STX6: variants seen among roughly 807,000 people sequenced by gnomAD.
STX6 encodes the protein syntaxin-6.
In STX6, 23 loss-of-function variants were observed where a neutral mutation model predicts 38.0. The observed-to-expected ratio is 0.60, with a 90% CI of 0.43 to 0.86. The LOEUF (loss-of-function observed/expected upper bound fraction) is 0.86, where lower values mean the gene tolerates loss of function less well. Ranked by LOEUF, STX6 falls within the 40% of genes least tolerant of loss-of-function variation. The pLI is 0.00. For synonymous variants in STX6, 123 were observed against 107.5 expected (o/e 1.14, Z -0.89); for missense variants, 274 against 312.9 (o/e 0.88, Z 0.94).
chr1:180,999,203 C>G (rs2102316679), intron 3 of STX6, among the ~76,000 whole-genome samples: 1 of 152,260 alleles, frequency 6.6e-6, no homozygotes, highest in Non-Finnish European at 1.5e-5. Context: ...AGGATTATTT[C>G]ATAGATAAAA....
intron 1 of STX6, among the ~76,000 whole-genome samples, chr1:181,006,939 C>T (rs1005188725): frequency 2.0e-5 from 3 of 152,202 alleles, no homozygotes; most frequent in African/African-American, 7.2e-5. Flanking sequence ...GGCAAGTCAC[C>T]TCATTGTTCC....
intron 7 of STX6, among the ~76,000 whole-genome samples, chr1:180,982,849 A>C (rs1002811397): frequency 1.3e-5 from 2 of 152,216 alleles, no homozygotes; most frequent in African/African-American, 4.8e-5. Flanking sequence ...TGTGTGACAG[A>C]TGAACTAAGC....
At chr1:181,008,309 G>A (rs1266753864) in intron 1 of STX6, among the ~76,000 whole-genome samples, 2 of 152,090 alleles carry the variant, frequency 1.3e-5, no homozygotes, top group Non-Finnish European at 2.9e-5. Context: ...CTGAGATTCC[G>A]TTATCCAAAA....
chr1:180,980,221 A>AAG (rs1558086110), intron 7 of STX6, among the ~76,000 whole-genome samples: 2 of 151,474 alleles, frequency 1.3e-5, no homozygotes, highest in African/African-American at 4.8e-5. Flanking sequence ...AAAAAAAAAA[A>AAG]AACACCATGA....
rs142166147 is a variant in STX6 at position 181,022,067 on chromosome 1, T to C, written c.35+572A>G. 7.0e-3 allele frequency among the ~76,000 whole-genome samples: 1,062 copies of C among 152,266 alleles called. 8 individuals are homozygous for C. The highest frequency in any genetic ancestry group is 9.4e-3 in the Non-Finnish European group (637 of 68,030). On this transcript the variant is annotated intron_variant, in intron 1 of 7. Transcript: ENST00000258301. ...ACTCCCCCATTGAATTGTCTTCCGGTGCCCTGCTCCCCAGCCTCCCAGAAC... is the reference window on the plus strand; with the variant it reads ...ACTCCCCCATTGAATTGTCTTCCGGCGCCCTGCTCCCCAGCCTCCCAGAAC...
At chr1:180,991,940 TTA>T (rs923237855) in intron 4 of STX6, among the ~76,000 whole-genome samples, 11 of 69,108 alleles carry the variant, frequency 1.6e-4, no homozygotes, top group African/African-American at 3.0e-4. Context: ...ATATTTAAAT[TTA>T]TATATATATA....
At chr1:181,006,091 C>A (rs1456297013) in intron 1 of STX6, among the ~76,000 whole-genome samples, 4 of 152,078 alleles carry the variant, frequency 2.6e-5, no homozygotes, top group African/African-American at 9.7e-5. Flanking sequence ...GAGAGGGAGT[C>A]TTACTCTTTT....
intron 1 of STX6, among the ~76,000 whole-genome samples, chr1:181,017,735 G>A (rs555709643): frequency 9.2e-5 from 14 of 152,234 alleles, no homozygotes; most frequent in African/African-American, 3.4e-4. Context: ...ATTTTCACCC[G>A]GAGATTAGTA....
In STX6 at chr1:180,972,875, C is replaced by CA. The variant is rs372906189; in HGVS notation, c.*3694dup. The CA allele has an allele frequency of 0.031, 5,897 of 188,624 alleles. 17 individuals carry two copies. Among genetic ancestry groups the CA allele is most frequent in the South Asian group, 0.059 (873 of 14,696 alleles). The allele number at this position is 188,624 out of a possible 1,614,324, so 11.7% of individuals were successfully genotyped here. A position where few individuals can be genotyped will look rare whatever the true frequency, so the allele number is the denominator to read the frequency against. On this transcript the variant is annotated 3_prime_UTR_variant, in exon 8 of 8. Coordinates refer to ENST00000258301, the MANE Select transcript of STX6 (RefSeq NM_005819.6). The stretch of plus-strand genomic sequence containing the variant: ...TTCTGGTTTGGTTTTATTTTTTAAT[C>CA]AAAAAAAAAAAAAGGAGAGAAAGAA...
At chr1:180,998,116 C>T (rs1180579577) in intron 3 of STX6, among the ~76,000 whole-genome samples, 1 of 152,170 alleles carries the variant, frequency 6.6e-6, no homozygotes, top group African/African-American at 2.4e-5. Flanking sequence ...ATGTATTATT[C>T]TGAGTTTAGA....
In STX6 at chr1:180,973,978, T is replaced by C. The variant is rs1655186990; in HGVS notation, c.*2592A>G. 6.6e-6 allele frequency: 1 copy of C among 152,230 alleles called. No homozygotes were observed. Among genetic ancestry groups the C allele is most frequent in the Non-Finnish European group, 1.5e-5 (1 of 68,034 alleles). 9.4% of individuals were successfully genotyped at this position (152,230 alleles called of 1,614,324 possible). ...GCCCCAAATACTATAAAGATGCACTTATAAGCAGTGTGGGGTTATCACCAC... is the reference window on the plus strand; with the variant it reads ...GCCCCAAATACTATAAAGATGCACTCATAAGCAGTGTGGGGTTATCACCAC... On this transcript the variant is annotated 3_prime_UTR_variant, in exon 8 of 8. Coordinates refer to ENST00000258301, the MANE Select transcript of STX6 (RefSeq NM_005819.6).
At chr1:180,989,886 C>T in intron 5 of STX6, 98 bp downstream of exon 5, 1 of 1,441,332 alleles carries the variant, frequency 6.9e-7, no homozygotes, top group East Asian at 2.3e-5. Flanking sequence ...GGCTTACCCT[C>T]CTTGTCACTA....
intron 1 of STX6, among the ~76,000 whole-genome samples, chr1:181,011,018 G>GA (rs1160096024): frequency 6.6e-6 from 1 of 151,986 alleles, no homozygotes; most frequent in African/African-American, 2.4e-5. Flanking sequence ...ATGTCCTGAG[G>GA]AAAAAAATGA....
chr1:180,976,735 C>T, intron 7 of STX6, 89 bp from the exon 8 acceptor site: 1 of 1,271,330 alleles, frequency 7.9e-7, no homozygotes, highest in Non-Finnish European at 1.1e-6. Context: ...CCCTTTGAAG[C>T]AGAAAAGGGG....
chr1:180,981,154 A>G (rs1293270298), intron 7 of STX6, among the ~76,000 whole-genome samples: 2 of 152,166 alleles, frequency 1.3e-5, no homozygotes, highest in Admixed American at 6.5e-5. Flanking sequence ...CCAAGAGTGA[A>G]TCCTAAGGTA....
chr1:181,010,219 G>A (rs1448221766), intron 1 of STX6, among the ~76,000 whole-genome samples: 1 of 152,040 alleles, frequency 6.6e-6, no homozygotes, highest in Non-Finnish European at 1.5e-5. Flanking sequence ...TTTATTGTAG[G>A]TAAATTATAA....
chr1:181,020,117 A>C (rs1656683585), intron 1 of STX6, among the ~76,000 whole-genome samples: 1 of 152,120 alleles, frequency 6.6e-6, no homozygotes, highest in Admixed American at 6.6e-5. Flanking sequence ...CAGGAGGCTG[A>C]GGTGCAAGAA....
intron 2 of STX6, 85 bp from the exon 3 acceptor site, chr1:181,002,785 C>T (rs1656120894): frequency 4.4e-6 from 4 of 901,518 alleles, no homozygotes; most frequent in Non-Finnish European, 7.1e-6. Context: ...CACATGCAAA[C>T]AAATAAAATC....
At position 180,976,443 on chromosome 1, in the gene STX6, G is replaced by T; in HGVS notation, c.*127C>A. On this transcript the variant is annotated 3_prime_UTR_variant, in exon 8 of 8. Coordinates refer to ENST00000258301, the MANE Select transcript of STX6 (RefSeq NM_005819.6). ...CATGTCAATTGTGGGGTCACACGGAGAAAAGTCAGTGCAGCAGTATGTTTC... is the reference window on the plus strand; with the variant it reads ...CATGTCAATTGTGGGGTCACACGGATAAAAGTCAGTGCAGCAGTATGTTTC... 1.2e-6 allele frequency: 1 copy of T among 840,838 alleles called. No individual in the cohort carries two copies. The highest frequency in any genetic ancestry group is 2.0e-6 in the Non-Finnish European group (1 of 509,162). 52.1% of individuals were successfully genotyped at this position (840,838 alleles called of 1,614,324 possible).
Sources: allele counts gnomAD v4.1 joint callset (sites outside exome capture counted in the v4.1 genomes callset), GRCh38; gene constraint gnomAD v4.1.1; transcripts MANE v1.5; gene names NCBI Gene and HGNC (gene_info 2026-07-23, HGNC 2026-07-21).